HSD17B12: variants seen among roughly 807,000 people sequenced by gnomAD.
HSD17B12 encodes the protein very-long-chain 3-oxoacyl-CoA reductase.
HSD17B12 carries 32 observed loss-of-function variants against 39.3 expected under a neutral mutation model. The observed-to-expected ratio is 0.81, with a 90% CI of 0.61 to 1.09. HSD17B12 has a LOEUF of 1.09. Among genes scored for constraint, HSD17B12 ranks in the 50% least tolerant of loss-of-function variants. The probability of loss-of-function intolerance (pLI) is 0.00; values close to 1 mark genes in which losing one functional copy is unlikely to be tolerated. For missense variants in HSD17B12, 342 were observed against 382.9 expected, an observed-to-expected ratio of 0.89 and a Z score of 0.89; for synonymous variants, 150 against 146.7, an observed-to-expected ratio of 1.02 and a Z score of -0.16.
the HSD17B12 span, chr11:43,581,464 A>G: frequency 1.9e-6 from 1 of 515,486 alleles, no homozygotes; most frequent in South Asian, 1.4e-5. The surrounding 1 kb of genome is among the most constrained non-coding windows in gnomAD (Gnocchi z 4.9). Context: ...CCTTACCCCA[A>G]AAAGCATTTG....
At chr11:43,576,609 T>A in the HSD17B12 span, 1 of 152,188 alleles carries the variant, frequency 6.6e-6, no homozygotes, top group East Asian at 1.9e-4. Flanking sequence ...AGTTCCCGTT[T>A]GGGTAAGTAA....
chr11:43,628,258 T>C, the HSD17B12 span, among the ~76,000 whole-genome samples: 1 of 152,008 alleles, frequency 6.6e-6, no homozygotes, highest in Non-Finnish European at 1.5e-5. Context: ...AAAAAAAACC[T>C]TCTGGTCTTG....
intron 3 of HSD17B12, among the ~76,000 whole-genome samples, chr11:43,790,433 T>G (rs1054382385): frequency 1.3e-5 from 2 of 152,314 alleles, no homozygotes; most frequent in Middle Eastern, 3.4e-3. Flanking sequence ...TTTGTAGATA[T>G]TGGCAGATAG....
At chr11:43,664,946 A>T in the HSD17B12 span, among the ~76,000 whole-genome samples, 1 of 152,230 alleles carries the variant, frequency 6.6e-6, no homozygotes, top group Admixed American at 6.5e-5. Flanking sequence ...GAAACGATGA[A>T]TGAAGAGCTT....
chr11:43,757,887 A>C (rs893537412), intron 3 of HSD17B12, among the ~76,000 whole-genome samples: 1 of 151,968 alleles, frequency 6.6e-6, no homozygotes, highest in African/African-American at 2.4e-5. Context: ...ATATAACAGC[A>C]CTCCAGTAAC....
intron 1 of HSD17B12, among the ~76,000 whole-genome samples, chr11:43,727,882 C>T (rs551928579): frequency 9.9e-5 from 15 of 152,236 alleles, no homozygotes; most frequent in Middle Eastern, 6.8e-3. Context: ...GTGGACTCCC[C>T]TTTCTCCAGA....
chr11:43,839,922 AT>A, intron 8 of HSD17B12, 76 bp from the exon 9 acceptor site: 2 of 1,148,920 alleles, frequency 1.7e-6, no homozygotes, highest in East Asian at 2.4e-5. Context: ...TTAGTTTATT[AT>A]TTTGTTTCCA....
chr11:43,651,030 A>C, the HSD17B12 span, among the ~76,000 whole-genome samples: 1 of 152,220 alleles, frequency 6.6e-6, no homozygotes, highest in Non-Finnish European at 1.5e-5. Flanking sequence ...AGGGGAGAGT[A>C]ATGTGCTATG....
chr11:43,751,023 ATAG>A, intron 2 of HSD17B12, 66 bp downstream of exon 2: 1 of 1,076,372 alleles, frequency 9.3e-7, no homozygotes, highest in South Asian at 1.5e-5. Flanking sequence ...ATGATTTCTT[ATAG>A]TAGTTTTGAT....
At chr11:43,619,243 A>ATATATATATATTTTATATATATAT in the HSD17B12 span, among the ~76,000 whole-genome samples, 1 of 11,774 alleles carries the variant, frequency 8.5e-5, no homozygotes, top group African/African-American at 1.3e-4. Context: ...ATATATATAT[A>ATATATATATATTTTATATATATAT]AAATATATAT....
the HSD17B12 span, among the ~76,000 whole-genome samples, chr11:43,668,157 A>G: frequency 1.3e-5 from 2 of 152,216 alleles, no homozygotes; most frequent in Admixed American, 1.3e-4. Flanking sequence ...TTACAATTCT[A>G]TAGGTTAGAA....
chr11:43,707,268 A>T (rs1191354604), intron 1 of HSD17B12, among the ~76,000 whole-genome samples: 2 of 152,224 alleles, frequency 1.3e-5, no homozygotes, highest in East Asian at 3.9e-4. Flanking sequence ...GACATTTGGT[A>T]AGTTTGGTGG....
At chr11:43,850,779 C>T (rs1951523247) in intron 9 of HSD17B12, among the ~76,000 whole-genome samples, 1 of 152,178 alleles carries the variant, frequency 6.6e-6, no homozygotes, top group Admixed American at 6.6e-5. Flanking sequence ...ACCAAGTTGT[C>T]GGGCCTGGTG....
intron 1 of HSD17B12, among the ~76,000 whole-genome samples, chr11:43,695,407 G>A (rs998862242): frequency 2.0e-5 from 3 of 151,878 alleles, no homozygotes; most frequent in Admixed American, 6.6e-5. Flanking sequence ...GGTGAAAACC[G>A]GTCTCTACTA....
At chr11:43,731,801 G>A (rs2134888996) in intron 1 of HSD17B12, among the ~76,000 whole-genome samples, 1 of 152,222 alleles carries the variant, frequency 6.6e-6, no homozygotes, top group South Asian at 2.1e-4. Context: ...ATTCATGGAA[G>A]GAGAAAATGT....
At chr11:43,690,392 ATATATATATATATTT>A (rs1462382152) in intron 1 of HSD17B12, among the ~76,000 whole-genome samples, 3 of 18,100 alleles carry the variant, frequency 1.7e-4, no homozygotes, top group African/African-American at 9.6e-4. Context: ...ATATATATAT[ATATATATATATATTT>A]TTTTTTTTTT....
At chr11:43,595,828 C>T in the HSD17B12 span, among the ~76,000 whole-genome samples, 1 of 152,294 alleles carries the variant, frequency 6.6e-6, no homozygotes, top group East Asian at 1.9e-4. Flanking sequence ...AACACACATA[C>T]ACACACAGAG....
chr11:43,810,247 G>A (rs1315773283), intron 4 of HSD17B12, among the ~76,000 whole-genome samples: 1 of 151,826 alleles, frequency 6.6e-6, no homozygotes, highest in Non-Finnish European at 1.5e-5. Context: ...CTTTGAGAGA[G>A]GATTCTAAGT....
intron 9 of HSD17B12, among the ~76,000 whole-genome samples, chr11:43,842,945 A>C (rs1376621373): frequency 6.6e-6 from 1 of 152,146 alleles, no homozygotes; most frequent in Non-Finnish European, 1.5e-5. Context: ...GTTTCCCTCA[A>C]AGATCTTTTC....
Sources: allele counts gnomAD v4.1 joint callset (sites outside exome capture counted in the v4.1 genomes callset), GRCh38; gene constraint gnomAD v4.1.1; non-coding constraint Gnocchi (gnomAD v3.1); transcripts MANE v1.5; gene names NCBI Gene and HGNC (gene_info 2026-07-23, HGNC 2026-07-21).